SMYD3: variants seen among roughly 807,000 people sequenced by gnomAD.
The protein encoded by SMYD3 is SET and MYND domain containing 3.
In SMYD3, 36 loss-of-function variants were observed where a neutral mutation model predicts 57.7. The ratio of observed to expected loss-of-function variants is 0.62; its 90% CI spans 0.48 to 0.82. SMYD3 has a LOEUF of 0.82. Ranked by LOEUF, SMYD3 falls within the 40% of genes least tolerant of loss-of-function variation. SMYD3 has a pLI of 0.00. For missense variants in SMYD3, 515 were observed against 538.8 expected, an observed-to-expected ratio of 0.96 and a Z score of 0.44; for synonymous variants, 211 against 195.0, an observed-to-expected ratio of 1.08 and a Z score of -0.68.
At chr1:246,415,607 A>G (rs1168338936) in intron 1 of SMYD3, among the ~76,000 whole-genome samples, 1 of 152,146 alleles carries the variant, frequency 6.6e-6, no homozygotes, top group Non-Finnish European at 1.5e-5. Context: ...TTATTTTTTT[A>G]AAGACCAGTG....
intron 1 of SMYD3, among the ~76,000 whole-genome samples, chr1:246,451,305 T>TA (rs957071435): frequency 1.5e-4 from 23 of 152,302 alleles, no homozygotes; most frequent in African/African-American, 5.3e-4. Context: ...TATTCTGCAC[T>TA]AAAAATAAAT....
chr1:245,774,394 G>A lies in SMYD3; in HGVS notation c.1077-10245C>T, dbSNP rs141744657. Among the ~76,000 whole-genome samples the A allele has an allele frequency of 5.2e-3, 798 of 152,294 alleles. 4 individuals are homozygous for A. Among genetic ancestry groups the A allele is most frequent in the African/African-American group, 0.017 (709 of 41,562 alleles). On this transcript the variant is annotated intron_variant, in intron 10 of 11. Coordinates refer to ENST00000490107, the MANE Select transcript of SMYD3 (RefSeq NM_001167740.2). ...GCTGACAAGCAGTTGCAGAGTGGAAGCTGAAAGAAAGCCAGTGGAATGACA... is the reference window on the plus strand; with the variant it reads ...GCTGACAAGCAGTTGCAGAGTGGAAACTGAAAGAAAGCCAGTGGAATGACA...
chr1:246,256,043 G>T (rs1001872563), intron 5 of SMYD3, among the ~76,000 whole-genome samples: 3 of 151,868 alleles, frequency 2.0e-5, no homozygotes, highest in Non-Finnish European at 4.4e-5. Context: ...GATATAAACG[G>T]GAGTTTGTTA....
At chr1:246,249,894 A>C (rs2063774289) in intron 5 of SMYD3, among the ~76,000 whole-genome samples, 1 of 152,154 alleles carries the variant, frequency 6.6e-6, no homozygotes, top group African/African-American at 2.4e-5. Flanking sequence ...ATTAAACTTT[A>C]TCTCTTTTCT....
chr1:245,992,478 C>T lies in SMYD3; in HGVS notation c.532-62541G>A, dbSNP rs76898466. Among the ~76,000 whole-genome samples, 530 of 152,320 alleles carry T rather than the reference C, an allele frequency of 3.5e-3. 20 individuals carry two copies. In the East Asian group the frequency reaches 0.078, roughly 22 times the overall value. ...CAAAGGAGCCATGTAGTAAAATCAG[C>T]ATGGTTCTAGAATGGCAGTCATGGG... On this transcript the variant is annotated intron_variant, in intron 5 of 11. Coordinates refer to ENST00000490107, the MANE Select transcript of SMYD3 (RefSeq NM_001167740.2).
chr1:245,825,477 C>T (rs2049431702), intron 10 of SMYD3, among the ~76,000 whole-genome samples: 1 of 152,146 alleles, frequency 6.6e-6, no homozygotes, highest in African/African-American at 2.4e-5. Flanking sequence ...TCTCTGTCTT[C>T]AGGCTGGAAA....
chr1:246,193,017 T>C (rs1027426637), intron 5 of SMYD3, among the ~76,000 whole-genome samples: 1 of 152,150 alleles, frequency 6.6e-6, no homozygotes, highest in African/African-American at 2.4e-5. Flanking sequence ...ACAGCCAAAT[T>C]AAGAACAAAA....
intron 10 of SMYD3, among the ~76,000 whole-genome samples, chr1:245,794,902 C>T (rs749051434): frequency 2.6e-5 from 4 of 151,850 alleles, no homozygotes; most frequent in Non-Finnish European, 4.4e-5. Context: ...CCATTTTTTT[C>T]TCTTTAAGGA....
At chr1:245,844,018 C>T (rs1262889843) in intron 10 of SMYD3, among the ~76,000 whole-genome samples, 1 of 152,162 alleles carries the variant, frequency 6.6e-6, no homozygotes, top group Non-Finnish European at 1.5e-5. Flanking sequence ...TGAGGTGTTA[C>T]AAACTGTTCT....
intron 1 of SMYD3, among the ~76,000 whole-genome samples, chr1:246,380,101 T>C (rs760798601): frequency 6.6e-6 from 1 of 152,172 alleles, no homozygotes; most frequent in African/African-American, 2.4e-5. Context: ...ATTTTTCTCA[T>C]ATCTCAGAAA....
At chr1:245,846,410 T>G (rs1459889473) in intron 10 of SMYD3, among the ~76,000 whole-genome samples, 1 of 152,212 alleles carries the variant, frequency 6.6e-6, no homozygotes, top group African/African-American at 2.4e-5. Flanking sequence ...CAGAATGGTA[T>G]AGTGGAAAGA....
chr1:246,098,693 T>C (rs1043495171), intron 5 of SMYD3, among the ~76,000 whole-genome samples: 6 of 152,230 alleles, frequency 3.9e-5, no homozygotes, highest in Admixed American at 2.6e-4. Flanking sequence ...TGACATTGTA[T>C]TTAGAAAGTC....
chr1:246,195,950 G>T (rs556240915), intron 5 of SMYD3, among the ~76,000 whole-genome samples: 2 of 152,104 alleles, frequency 1.3e-5, no homozygotes, highest in South Asian at 4.1e-4. Context: ...AGAATGAAGG[G>T]GTGTTTCTCA....
chr1:245,875,395 G>A (rs1018361131), intron 8 of SMYD3, among the ~76,000 whole-genome samples: 1 of 152,212 alleles, frequency 6.6e-6, no homozygotes, highest in Non-Finnish European at 1.5e-5. Flanking sequence ...AAATTGTGGG[G>A]AGAGCTGGAA....
chr1:246,015,427 A>C (rs2059360868), intron 5 of SMYD3, among the ~76,000 whole-genome samples: 1 of 152,204 alleles, frequency 6.6e-6, no homozygotes, highest in African/African-American at 2.4e-5. Context: ...ATTTTAAAAA[A>C]TGTTTAACTG....
chr1:245,798,398 A>ACACACCACACATACACACACATACT (rs1553325421), intron 10 of SMYD3, among the ~76,000 whole-genome samples: 1 of 15,394 alleles, frequency 6.5e-5, no homozygotes, highest in Admixed American at 1.9e-3. Context: ...GCGCACACAC[A>ACACACCACACATACACACACATACT]CACACACATA....
Position 246,404,181 on chromosome 1 carries a change from T to A in SMYD3, c.165-49087A>T, listed in dbSNP as rs571887171. ...TATAAAAGCTTTACACATACCCTGG[T>A]GGCCACCGCTGCTGAGGTCAGCAGC... On this transcript the variant is annotated intron_variant, in intron 1 of 11. Coordinates refer to ENST00000490107, the MANE Select transcript of SMYD3 (RefSeq NM_001167740.2). Among the ~76,000 whole-genome samples the A allele has an allele frequency of 3.6e-4, 55 of 152,328 alleles. 1 individual carries two copies. Among genetic ancestry groups the A allele is most frequent in the African/African-American group, 1.3e-3 (52 of 41,576 alleles).
At chr1:245,808,571 G>A (rs1374421923) in intron 10 of SMYD3, among the ~76,000 whole-genome samples, 2 of 152,170 alleles carry the variant, frequency 1.3e-5, no homozygotes, top group Non-Finnish European at 2.9e-5. Context: ...GACCGGGTGA[G>A]GCTGGCCACT....
chr1:246,209,422 G>T (rs1041603077), intron 5 of SMYD3, among the ~76,000 whole-genome samples: 2 of 152,046 alleles, frequency 1.3e-5, no homozygotes, highest in African/African-American at 4.8e-5. Flanking sequence ...GACCAAAACT[G>T]GGATTCAGGG....
Sources: gnomAD v4.1 joint callset for allele counts (sites outside exome capture counted in the v4.1 genomes callset) on GRCh38, gnomAD v4.1.1 for gene constraint, MANE v1.5 for transcripts, NCBI Gene and HGNC (gene_info 2026-07-23, HGNC 2026-07-21) for gene names.